The following CACNA1S variants were observed in gnomAD, a reference collection of about 807,000 sequenced individuals.
The protein encoded by CACNA1S is calcium voltage-gated channel subunit alpha1 S, also known as voltage-dependent L-type calcium channel subunit alpha-1S.
A neutral mutation model predicts 207.4 loss-of-function variants in CACNA1S; 126 were observed. That is an observed-to-expected ratio of 0.61 (90% CI 0.53 to 0.70). The LOEUF (loss-of-function observed/expected upper bound fraction) is 0.70, where lower values mean the gene tolerates loss of function less well. Among genes scored for constraint, CACNA1S ranks in the 30% least tolerant of loss-of-function variants. The pLI, the probability that CACNA1S is intolerant of heterozygous loss-of-function variation, is 0.00. For synonymous variants in CACNA1S, 960 were observed against 932.7 expected (o/e 1.03, Z -0.53); for missense variants, 2,349 against 2,422.8 (o/e 0.97, Z 0.64).
At chr1:201,095,198 A>G (rs1662378670) in intron 2 of CACNA1S, among the ~76,000 whole-genome samples, 1 of 151,354 alleles carries the variant, frequency 6.6e-6, no homozygotes, top group Admixed American at 6.6e-5. Flanking sequence ...GTGTGTATAT[A>G]TATACACACA....
At chr1:201,069,716 G>A (rs1661385918) in intron 17 of CACNA1S, 115 bp from the exon 18 acceptor site, 1 of 1,293,754 alleles carries the variant, frequency 7.7e-7, no homozygotes, top group African/African-American at 1.5e-5. Flanking sequence ...TCCCTGGCCA[G>A]GAGAGAAGTG....
Position 201,047,587 on chromosome 1 carries a change from A to G in CACNA1S, c.4481T>C (p.Ile1494Thr). Residue 1494 changes from isoleucine to threonine, a missense_variant, in exon 37 of 44, where the codon ATC becomes ACC. Coordinates refer to ENST00000362061, the MANE Select transcript of CACNA1S (RefSeq NM_000069.3). Reference sequence around the variant, plus strand: ...GCTGGTTCTCTTCCAGATCTTCTTGATGATGGCCCTCAGCTCCTCGTTGGC... The same window carrying G: ...GCTGGTTCTCTTCCAGATCTTCTTGGTGATGGCCCTCAGCTCCTCGTTGGC... The part of the protein sequence containing the change: ...EQANEELRAI[I>T]KKIWKRTSMK... 1.9e-6 allele frequency: 3 copies of G among 1,614,228 alleles called. No homozygotes were observed. The highest frequency in any genetic ancestry group is 8.5e-7 in the Non-Finnish European group (1 of 1,180,032).
At chr1:201,073,112 C>G (rs1661479204) in intron 15 of CACNA1S, among the ~76,000 whole-genome samples, 1 of 152,188 alleles carries the variant, frequency 6.6e-6, no homozygotes, top group South Asian at 2.1e-4. Context: ...TTGAGCTTCC[C>G]CAGGCCAGGA....
At chr1:201,111,496 T>C (rs1663102994) in intron 1 of CACNA1S, among the ~76,000 whole-genome samples, 1 of 151,986 alleles carries the variant, frequency 6.6e-6, no homozygotes, top group Admixed American at 6.6e-5. Flanking sequence ...GTCCCCAGGG[T>C]GGCACGTCTG....
chr1:201,047,283 TCTGACA>T, intron 37 of CACNA1S, 44 bp from the exon 38 acceptor site: 1 of 1,613,704 alleles, frequency 6.2e-7, no homozygotes, highest in African/African-American at 1.3e-5. Flanking sequence ...CTAGTGGGAA[TCTGACA>T]CTGGATTCAG....
chr1:201,041,361 T>C, intron 41 of CACNA1S, 143 bp downstream of exon 41: 1 of 716,452 alleles, frequency 1.4e-6, no homozygotes, highest in Non-Finnish European at 2.5e-6. Flanking sequence ...GTTTTCCCAT[T>C]CCAGGGCCCA....
In CACNA1S at chr1:201,053,661, G is replaced by A; in HGVS notation, c.3667-74C>T. On this transcript the variant is annotated intron_variant, in intron 29 of 43. Coordinates refer to ENST00000362061, the MANE Select transcript of CACNA1S (RefSeq NM_000069.3). This position sits in a 1 kb window ranked among gnomAD's most constrained non-coding sequence, Gnocchi z 5.1. ...GGGTAAGGGGCAGGGCGGGGAGGGAGGTGCACTGTGTGTTTTGGGGAGATG... is the reference window on the plus strand; with the variant it reads ...GGGTAAGGGGCAGGGCGGGGAGGGAAGTGCACTGTGTGTTTTGGGGAGATG... 3 of 1,471,184 alleles carry A rather than the reference G, an allele frequency of 2.0e-6. No individual in the cohort carries two copies. Among genetic ancestry groups the A allele is most frequent in the South Asian group, 2.3e-5 (2 of 86,676 alleles). 91.1% of individuals were successfully genotyped at this position (1,471,184 alleles called of 1,614,324 possible).
chr1:201,075,438 C>T (rs1438869509), intron 13 of CACNA1S, 57 bp downstream of exon 13: 2 of 1,601,484 alleles, frequency 1.2e-6, no homozygotes, highest in African/African-American at 1.3e-5. Context: ...CCATTTTAAG[C>T]CCTTTCCCCC....
intron 40 of CACNA1S, among the ~76,000 whole-genome samples, chr1:201,042,256 T>G (rs1031517982): frequency 2.0e-5 from 3 of 152,198 alleles, no homozygotes; most frequent in Non-Finnish European, 4.4e-5. Flanking sequence ...TGCCTCAGCC[T>G]CCCGAGTAGC....
intron 38 of CACNA1S, among the ~76,000 whole-genome samples, chr1:201,045,374 C>T (rs1456876505): frequency 1.3e-5 from 2 of 152,090 alleles, no homozygotes; most frequent in African/African-American, 4.8e-5. Context: ...GGATTGGATC[C>T]TTTTGCTATA....
At chr1:201,105,355 A>G (rs1300562287) in intron 2 of CACNA1S, among the ~76,000 whole-genome samples, 1 of 152,176 alleles carries the variant, frequency 6.6e-6, no homozygotes, top group Non-Finnish European at 1.5e-5. Flanking sequence ...TACAACTTAG[A>G]AGGTCTTCAC....
intron 19 of CACNA1S, among the ~76,000 whole-genome samples, chr1:201,068,597 G>A (rs1235032349): frequency 2.6e-5 from 4 of 151,528 alleles, no homozygotes; most frequent in Non-Finnish European, 4.4e-5. Context: ...AGTTCGCTGG[G>A]CGAGGTGGCT....
intron 32 of CACNA1S, among the ~76,000 whole-genome samples, chr1:201,051,892 G>A (rs1366808960): frequency 1.3e-5 from 2 of 152,192 alleles, no homozygotes; most frequent in African/African-American, 4.8e-5. Context: ...ACACGGTGAG[G>A]TGCCGGTCTC....
At chr1:201,090,541 G>T (rs571814374) in intron 5 of CACNA1S, among the ~76,000 whole-genome samples, 2 of 152,284 alleles carry the variant, frequency 1.3e-5, no homozygotes, top group South Asian at 4.1e-4. Context: ...GACACTGAAG[G>T]CCTAGAACAG....
Position 201,047,510 on chromosome 1 carries a change from C to T in CACNA1S, c.4543+15G>A, listed in dbSNP as rs746717103. On this transcript the variant is annotated intron_variant, in intron 37 of 43. Transcript: ENST00000362061. ...TGGCTGCTTCTGGACTCTGGTCCCC[C>T]AAAGTAGCACCTACCTCCTATTGGA... 3.6e-5 allele frequency: 57 copies of T among 1,604,640 alleles called. No homozygotes were observed. In the Admixed American group the frequency reaches 9.3e-4, roughly 26 times the overall value.
chr1:201,101,914 AG>A (rs1474584403), intron 2 of CACNA1S, among the ~76,000 whole-genome samples: 3 of 152,116 alleles, frequency 2.0e-5, no homozygotes, highest in African/African-American at 7.2e-5. Context: ...CAAGAAGAAA[AG>A]AAAAAGCATC....
rs573634357 is a variant in CACNA1S at position 201,066,522 on chromosome 1, A to G, written c.2658-206T>C. Among the ~76,000 whole-genome samples the G allele has an allele frequency of 3.6e-3, 544 of 152,150 alleles. 5 individuals carry two copies. Among genetic ancestry groups the G allele is most frequent in the African/African-American group, 0.013 (533 of 41,502 alleles). ...CCCCTGCTATCTGGACCATGCTCTC[A>G]TGGGTGTGTCATGAAGCAGAAGACA... On this transcript the variant is annotated intron_variant, in intron 20 of 43. Coordinates refer to ENST00000362061, the MANE Select transcript of CACNA1S (RefSeq NM_000069.3). This position sits in a 1 kb window ranked among gnomAD's most constrained non-coding sequence, Gnocchi z 4.3.
At chr1:201,079,555 A>G (rs1443257644) in intron 10 of CACNA1S, among the ~76,000 whole-genome samples, 6 of 81,504 alleles carry the variant, frequency 7.4e-5, no homozygotes, top group Admixed American at 1.3e-4. Context: ...CCCCACCCCT[A>G]CCCCTCCACT....
In CACNA1S at chr1:201,061,438, C is replaced by T. The variant is rs764100695; in HGVS notation, c.3084G>A (p.Ala1028=). 47 of 1,614,074 alleles carry T rather than the reference C, an allele frequency of 2.9e-5. No individual in the cohort carries two copies. The highest frequency in any genetic ancestry group is 1.6e-4 in the Middle Eastern group (1 of 6,084). The change falls in exon 25 of 44, where the codon GCG becomes GCA. Residue 1028 remains alanine, a synonymous_variant. Coordinates refer to ENST00000362061, the MANE Select transcript of CACNA1S (RefSeq NM_000069.3). ...QLLYKAIDSN[A]EDVGPIYNNR... Reference sequence around the variant, plus strand: ...TGTTGTAGATGGGACCCACGTCCTCCGCATTGGAGTCTATGGCCTTGTACA... The same window carrying T: ...TGTTGTAGATGGGACCCACGTCCTCTGCATTGGAGTCTATGGCCTTGTACA...
Sources: allele counts gnomAD v4.1 joint callset (sites outside exome capture counted in the v4.1 genomes callset), GRCh38; gene constraint gnomAD v4.1.1; non-coding constraint Gnocchi (gnomAD v3.1); transcripts MANE v1.5; gene names NCBI Gene and HGNC (gene_info 2026-07-23, HGNC 2026-07-21).